Variants in SPTBN1 observed in about 807,000 individuals in gnomAD.
SPTBN1 encodes the protein spectrin beta, non-erythrocytic 1.
Under a neutral mutation model 266.4 loss-of-function variants are expected in SPTBN1, and 32 were observed. The ratio of observed to expected loss-of-function variants is 0.12; its 90% CI spans 0.09 to 0.16. The LOEUF is 0.16. Ranked by LOEUF, SPTBN1 falls within the 10% of genes least tolerant of loss-of-function variation. The probability of loss-of-function intolerance (pLI) is 1.00; values close to 1 mark genes in which losing one functional copy is unlikely to be tolerated. For missense variants in SPTBN1, 2,296 were observed against 3,067.1 expected (o/e 0.75, Z 5.94); for synonymous variants, 1,336 against 1,162.2 (o/e 1.15, Z -3.04).
At chr2:54,617,711 A>G in intron 6 of SPTBN1, 23 bp downstream of exon 6, 2 of 1,611,456 alleles carry the variant, frequency 1.2e-6, no homozygotes, top group Non-Finnish European at 8.5e-7. Flanking sequence ...AAATCATCCT[A>G]GCAATCGTGG....
At chr2:54,655,656 G>A (rs907305577) in intron 28 of SPTBN1, among the ~76,000 whole-genome samples, 2 of 152,212 alleles carry the variant, frequency 1.3e-5, no homozygotes, top group Non-Finnish European at 2.9e-5. Flanking sequence ...TCTCCTGAAC[G>A]TGTTTGCCGC....
intron 3 of SPTBN1, among the ~76,000 whole-genome samples, chr2:54,605,021 C>T (rs911009206): frequency 1.3e-5 from 2 of 152,092 alleles, no homozygotes; most frequent in Non-Finnish European, 2.9e-5. Flanking sequence ...GGAAGCATGC[C>T]GCACTAGGGA....
chr2:54,526,346 A>T lies in SPTBN1; in HGVS notation c.-47-26A>T. On this transcript the variant is annotated intron_variant, in intron 1 of 35. Transcript: ENST00000356805. ...GGACTGTATACACTTCAGACGTCTA[A>T]ATGTTTTTCCTTTTCTTTCTCATAG... The T allele has an allele frequency of 3.2e-6, 5 of 1,579,654 alleles. No homozygotes were observed. In the Admixed American group the frequency reaches 8.9e-5, roughly 28 times the overall value.
At chr2:54,462,915 A>G (rs1436318847) in intron 1 of SPTBN1, among the ~76,000 whole-genome samples, 4 of 152,238 alleles carry the variant, frequency 2.6e-5, no homozygotes, top group African/African-American at 9.6e-5. Flanking sequence ...TATTCTCGAC[A>G]TGGTGTTCTA....
chr2:54,481,199 A>C (rs1310928072), intron 1 of SPTBN1, among the ~76,000 whole-genome samples: 1 of 152,120 alleles, frequency 6.6e-6, no homozygotes, highest in Non-Finnish European at 1.5e-5. Flanking sequence ...GGTTTGGAAA[A>C]AAAAAAAAGT....
intron 2 of SPTBN1, among the ~76,000 whole-genome samples, chr2:54,591,922 C>T (rs765516686): frequency 2.6e-5 from 4 of 152,060 alleles, no homozygotes; most frequent in Non-Finnish European, 4.4e-5. Context: ...CTGTAATTCA[C>T]TTTGGGAGGC....
intron 2 of SPTBN1, among the ~76,000 whole-genome samples, chr2:54,564,689 T>A (rs1258191967): frequency 1.3e-5 from 2 of 152,220 alleles, no homozygotes; most frequent in South Asian, 4.1e-4. Flanking sequence ...ATCAGTCTTT[T>A]GAGGTTCAGT....
intron 3 of SPTBN1, among the ~76,000 whole-genome samples, chr2:54,610,905 C>T (rs935574700): frequency 3.3e-5 from 5 of 152,110 alleles, no homozygotes; most frequent in East Asian, 1.9e-4. Flanking sequence ...ACTGTGATAC[C>T]CAATTTACTA....
chr2:54,632,460 A>G, intron 16 of SPTBN1, 106 bp from the exon 17 acceptor site: 1 of 1,136,628 alleles, frequency 8.8e-7, no homozygotes, highest in Non-Finnish European at 1.3e-6. Context: ...ATTTCATGTA[A>G]GTGTAATGAA....
chr2:54,600,773 C>T (rs1573504352), intron 3 of SPTBN1, among the ~76,000 whole-genome samples: 1 of 132,522 alleles, frequency 7.5e-6, no homozygotes, highest in African/African-American at 2.9e-5. Flanking sequence ...TAAAAAAAAT[C>T]ATTAAAGGTC....
intron 2 of SPTBN1, among the ~76,000 whole-genome samples, chr2:54,593,221 C>G (rs553452554): frequency 6.6e-6 from 1 of 152,056 alleles, no homozygotes; most frequent in Non-Finnish European, 1.5e-5. Flanking sequence ...CTGGTTGGGT[C>G]TTCACACTCA....
intron 1 of SPTBN1, among the ~76,000 whole-genome samples, chr2:54,502,038 C>G (rs1669299015): frequency 6.6e-6 from 1 of 152,232 alleles, no homozygotes; most frequent in African/African-American, 2.4e-5. Context: ...CTGACAGCAT[C>G]ACTCTCCAAA....
At position 54,626,295 on chromosome 2, in the gene SPTBN1, G is replaced by A. The variant is rs1208929991; in HGVS notation, c.1644+61G>A. 1.3e-6 allele frequency: 2 copies of A among 1,539,672 alleles called. No homozygotes were observed. The highest frequency in any genetic ancestry group is 8.8e-7 in the Non-Finnish European group (1 of 1,140,974). On this transcript the variant is annotated intron_variant, in intron 12 of 35. Coordinates refer to ENST00000356805, the MANE Select transcript of SPTBN1 (RefSeq NM_003128.3). This position sits in a 1 kb window ranked among gnomAD's most constrained non-coding sequence, Gnocchi z 4.7. ...ATCCAACCAGGGCTCTCTTTTCTGT[G>A]ACTCATTCACTAAACCCCTACGTAC...
Position 54,540,148 on chromosome 2 carries a change from G to C in SPTBN1, c.148+13582G>C, listed in dbSNP as rs956941028. On this transcript the variant is annotated intron_variant, in intron 2 of 35. Transcript: ENST00000356805. This position sits in a 1 kb window ranked among gnomAD's most constrained non-coding sequence, Gnocchi z 5.6. ...TTCCAGCCTCCAGAACTGTGAGAGA[G>C]AAATGGTTGTTGGTTAATCTCCCAG... Among the ~76,000 whole-genome samples the C allele has an allele frequency of 7.9e-5, 12 of 152,302 alleles. No individual in the cohort carries two copies. Among genetic ancestry groups the C allele is most frequent in the Admixed American group, 7.2e-4 (11 of 15,298 alleles).
At chr2:54,507,865 GC>G (rs1275557797) in intron 1 of SPTBN1, among the ~76,000 whole-genome samples, 2 of 150,126 alleles carry the variant, frequency 1.3e-5, no homozygotes, top group East Asian at 3.9e-4. Context: ...GAAATGCAAA[GC>G]CAGCAATTGT....
rs144159414 is a variant in SPTBN1 at position 54,469,369 on chromosome 2, CCTT to C, written c.-48+12857_-48+12859del. Among the ~76,000 whole-genome samples, 923 of 152,196 alleles carry C rather than the reference CCTT, an allele frequency of 6.1e-3. 12 individuals carry two copies. Among genetic ancestry groups the C allele is most frequent in the African/African-American group, 0.021 (874 of 41,506 alleles). On this transcript the variant is annotated intron_variant, in intron 1 of 35. Coordinates refer to ENST00000356805, the MANE Select transcript of SPTBN1 (RefSeq NM_003128.3). ...GGCCCCAAGGAAAAGTGACAAATGG[CCTT>C]CTTCTGGGGTTTAAACACTAAAGGT...
At chr2:54,517,096 A>G (rs1352734986) in intron 1 of SPTBN1, among the ~76,000 whole-genome samples, 2 of 147,016 alleles carry the variant, frequency 1.4e-5, no homozygotes, top group Non-Finnish European at 3.0e-5. Context: ...TTCTTATCCC[A>G]CTTAAGGTCT....
At chr2:54,582,010 G>T (rs991258991) in intron 2 of SPTBN1, among the ~76,000 whole-genome samples, 1 of 152,006 alleles carries the variant, frequency 6.6e-6, no homozygotes, top group African/African-American at 2.4e-5. Flanking sequence ...TATCAGCACC[G>T]AGAATACGCT....
intron 2 of SPTBN1, among the ~76,000 whole-genome samples, chr2:54,563,591 T>G (rs184420469): frequency 1.2e-3 from 155 of 132,490 alleles, no homozygotes; most frequent in Admixed American, 2.3e-3. Context: ...AGAAAATTTA[T>G]TCTTTTTTTT....
Sources: gnomAD v4.1 joint callset for allele counts (sites outside exome capture counted in the v4.1 genomes callset) on GRCh38, gnomAD v4.1.1 for gene constraint, Gnocchi (gnomAD v3.1) non-coding constraint, MANE v1.5 for transcripts, NCBI Gene and HGNC (gene_info 2026-07-23, HGNC 2026-07-21) for gene names.